Variants in MYO5B observed in about 807,000 individuals in gnomAD.
MYO5B encodes myosin VB, also known as unconventional myosin-Vb.
Under a neutral mutation model 229.3 loss-of-function variants are expected in MYO5B, and 143 were observed. That is an observed-to-expected ratio of 0.62 (90% CI 0.54 to 0.72). The LOEUF (loss-of-function observed/expected upper bound fraction) is 0.72, where lower values mean the gene tolerates loss of function less well. Among genes scored for constraint, MYO5B ranks in the 30% least tolerant of loss-of-function variants. The pLI, the probability that MYO5B is intolerant of heterozygous loss-of-function variation, is 0.00. For synonymous variants in MYO5B, 918 were observed against 885.2 expected, an observed-to-expected ratio of 1.04 and a Z score of -0.66; for missense variants, 2,321 against 2,331.0, an observed-to-expected ratio of 1.00 and a Z score of 0.09.
At chr18:50,039,598 T>C (rs559070567) in intron 3 of MYO5B, among the ~76,000 whole-genome samples, 2 of 152,328 alleles carry the variant, frequency 1.3e-5, no homozygotes, top group African/African-American at 4.8e-5. Context: ...CCCAAAGTGC[T>C]GGGATTACAG....
chr18:49,853,811 C>A (rs900240173), intron 30 of MYO5B, among the ~76,000 whole-genome samples, 164 bp from the exon 31 acceptor site: 6 of 152,254 alleles, frequency 3.9e-5, no homozygotes, highest in Non-Finnish European at 8.8e-5. Flanking sequence ...ATGGGGACCA[C>A]AAGGCAAGCA....
chr18:49,916,636 C>T (rs2025017755), intron 17 of MYO5B, among the ~76,000 whole-genome samples: 5 of 152,128 alleles, frequency 3.3e-5, no homozygotes, highest in Admixed American at 3.3e-4. Flanking sequence ...GAGGAGATGC[C>T]AGCTCCTGTG....
At chr18:49,997,693 A>G (rs2144321416) in intron 5 of MYO5B, among the ~76,000 whole-genome samples, 1 of 152,166 alleles carries the variant, frequency 6.6e-6, no homozygotes, top group South Asian at 2.1e-4. Context: ...ATGACAATAA[A>G]TCATCCCAGT....
chr18:49,877,145 G>A (rs1350569975), intron 25 of MYO5B, among the ~76,000 whole-genome samples: 1 of 152,074 alleles, frequency 6.6e-6, no homozygotes, highest in African/African-American at 2.4e-5. Flanking sequence ...ACACACGCGC[G>A]CATGTGCCTG....
intron 29 of MYO5B, among the ~76,000 whole-genome samples, chr18:49,862,739 A>T (rs2024346048): frequency 6.6e-6 from 1 of 152,172 alleles, no homozygotes. Flanking sequence ...AAGACGGTGG[A>T]GGTGAAATGC....
At chr18:49,845,688 G>C (rs1036450143) in intron 33 of MYO5B, among the ~76,000 whole-genome samples, 11 of 152,100 alleles carry the variant, frequency 7.2e-5, no homozygotes, top group Non-Finnish European at 1.5e-5. Context: ...GACCACCAAA[G>C]ATTTCTCCTC....
intron 1 of MYO5B, among the ~76,000 whole-genome samples, chr18:50,165,555 C>A (rs1034034650): frequency 6.6e-6 from 1 of 152,202 alleles, no homozygotes; most frequent in African/African-American, 2.4e-5. Flanking sequence ...GCAGGCGGAT[C>A]ACTTAAGGTC....
Position 49,947,157 on chromosome 18 carries a change from G to A in MYO5B, c.1752+6103C>T, listed in dbSNP as rs987560082. Among the ~76,000 whole-genome samples, 3 of 144,502 alleles carry A rather than the reference G, an allele frequency of 2.1e-5. No individual in the cohort carries two copies. The South Asian group carries it at 6.5e-4, about 31-fold the overall frequency. 94.8% of individuals were successfully genotyped at this position (144,502 alleles called of 152,430 possible). On this transcript the variant is annotated intron_variant, in intron 14 of 39. Coordinates refer to ENST00000285039, the MANE Select transcript of MYO5B (RefSeq NM_001080467.3). ...GTCTCACTCTGTCACCCAGGCTGGA[G>A]TGCAATGGCACGATCTCAGCTCACT...
chr18:49,991,060 C>T (rs2025926968), intron 6 of MYO5B, among the ~76,000 whole-genome samples: 1 of 152,058 alleles, frequency 6.6e-6, no homozygotes, highest in African/African-American at 2.4e-5. Context: ...TTCAGGAGGC[C>T]TGAGCGAAGA....
chr18:49,969,142 T>C (rs530337855), intron 10 of MYO5B, among the ~76,000 whole-genome samples: 5 of 152,154 alleles, frequency 3.3e-5, no homozygotes, highest in Non-Finnish European at 7.3e-5. Context: ...TGTCCAGGGA[T>C]CTTCTGGGCT....
chr18:50,152,846 A>G (rs2032620335), intron 1 of MYO5B, among the ~76,000 whole-genome samples: 3 of 146,470 alleles, frequency 2.0e-5, no homozygotes, highest in African/African-American at 7.6e-5. Flanking sequence ...TAAAAGAAAT[A>G]GTATGTATTC....
At chr18:50,054,351 A>T (rs1219799615) in intron 2 of MYO5B, among the ~76,000 whole-genome samples, 1 of 152,202 alleles carries the variant, frequency 6.6e-6, no homozygotes, top group Non-Finnish European at 1.5e-5. Flanking sequence ...AAATAAAAAG[A>T]GTGGGTTCCT....
chr18:50,101,661 C>T (rs72917870), intron 1 of MYO5B, among the ~76,000 whole-genome samples: 21,953 of 151,950 alleles, frequency 0.14, 1,668 homozygotes, highest in East Asian at 0.23. Flanking sequence ...CACGGATTAG[C>T]GAAATGCAAA....
In MYO5B at chr18:50,160,091, G is replaced by T. The variant is rs547898399; in HGVS notation, c.27+34676C>A. Among the ~76,000 whole-genome samples the T allele has an allele frequency of 2.0e-5, 3 of 152,320 alleles. No homozygotes were observed. The East Asian group carries it at 5.8e-4, about 29-fold the overall frequency. Reference sequence around the variant, plus strand: ...GGGACCACATGCTAACACGCACAACGTACCACAGTCAACACTTCCCAGCGG... The same window carrying T: ...GGGACCACATGCTAACACGCACAACTTACCACAGTCAACACTTCCCAGCGG... On this transcript the variant is annotated intron_variant, in intron 1 of 39. Transcript: ENST00000285039.
intron 1 of MYO5B, among the ~76,000 whole-genome samples, chr18:50,180,745 A>G (rs1364505621): frequency 3.9e-5 from 6 of 152,190 alleles, no homozygotes; most frequent in Admixed American, 3.9e-4. Flanking sequence ...CATTCTAGAT[A>G]CCTCATATAA....
intron 1 of MYO5B, among the ~76,000 whole-genome samples, chr18:50,146,192 T>G (rs543951085): frequency 6.6e-6 from 1 of 152,278 alleles, no homozygotes; most frequent in African/African-American, 2.4e-5. Flanking sequence ...TCAAGAAATA[T>G]TTATGCCAGA....
At chr18:50,081,682 T>C (rs75288100) in intron 1 of MYO5B, among the ~76,000 whole-genome samples, 14,169 of 152,270 alleles carry the variant, frequency 0.093, 1,214 homozygotes, top group African/African-American at 0.23. Context: ...AAAAGTATTA[T>C]TTCTGGGAAA....
chr18:50,002,124 T>C (rs950558514), intron 4 of MYO5B, among the ~76,000 whole-genome samples: 3 of 152,132 alleles, frequency 2.0e-5, no homozygotes, highest in Non-Finnish European at 4.4e-5. Context: ...TGTGTCACTG[T>C]ATACATTACA....
intron 2 of MYO5B, among the ~76,000 whole-genome samples, chr18:50,042,453 T>C (rs148791480): frequency 2.6e-5 from 4 of 152,360 alleles, no homozygotes; most frequent in African/African-American, 4.8e-5. Context: ...TTTTTCTTTA[T>C]ATTAATGAAG....
Sources: allele counts gnomAD v4.1 joint callset (sites outside exome capture counted in the v4.1 genomes callset), GRCh38; gene constraint gnomAD v4.1.1; transcripts MANE v1.5; gene names NCBI Gene and HGNC (gene_info 2026-07-23, HGNC 2026-07-21).